Variants in AGBL4 observed in about 807,000 individuals in gnomAD.
AGBL4 encodes cytosolic carboxypeptidase 6.
In AGBL4, 58 loss-of-function variants were observed where a neutral mutation model predicts 66.4. That is an observed-to-expected ratio of 0.87 (90% CI 0.71 to 1.09). The LOEUF (loss-of-function observed/expected upper bound fraction) is 1.09, where lower values mean the gene tolerates loss of function less well. Among genes scored for constraint, AGBL4 ranks in the 50% least tolerant of loss-of-function variants. The probability of loss-of-function intolerance (pLI) is 0.00; values close to 1 mark genes in which losing one functional copy is unlikely to be tolerated. For synonymous variants in AGBL4, 234 were observed against 222.9 expected (o/e 1.05, Z -0.44); for missense variants, 579 against 631.0 (o/e 0.92, Z 0.88).
At chr1:49,184,892 G>A (rs1451268697) in intron 4 of AGBL4, among the ~76,000 whole-genome samples, 1 of 152,168 alleles carries the variant, frequency 6.6e-6, no homozygotes, top group African/African-American at 2.4e-5. Flanking sequence ...ATTGCCATGA[G>A]ATTTAAACAT....
intron 3 of AGBL4, among the ~76,000 whole-genome samples, chr1:49,668,329 C>A (rs1256629511): frequency 6.6e-6 from 1 of 152,012 alleles, no homozygotes; most frequent in Admixed American, 6.6e-5. Flanking sequence ...TTCACACAGG[C>A]TGTTATTTAC....
At chr1:49,746,063 A>T (rs951790549) in intron 2 of AGBL4, among the ~76,000 whole-genome samples, 18 of 151,968 alleles carry the variant, frequency 1.2e-4, no homozygotes, top group African/African-American at 4.1e-4. Context: ...AGAAGCTATT[A>T]ATTTGTTCAT....
intron 2 of AGBL4, among the ~76,000 whole-genome samples, chr1:49,716,647 C>T (rs1648165831): frequency 6.6e-6 from 1 of 151,998 alleles, no homozygotes; most frequent in African/African-American, 2.4e-5. Context: ...AAACATAATC[C>T]ATTACATAAA....
At chr1:48,836,172 G>C (rs1184562390) in intron 6 of AGBL4, among the ~76,000 whole-genome samples, 1 of 151,816 alleles carries the variant, frequency 6.6e-6, no homozygotes, top group Non-Finnish European at 1.5e-5. Context: ...AAGGAGTAGA[G>C]GCAGAGGACA....
At chr1:48,923,215 G>A (rs866712259) in intron 5 of AGBL4, among the ~76,000 whole-genome samples, 1 of 152,100 alleles carries the variant, frequency 6.6e-6, no homozygotes, top group Non-Finnish European at 1.5e-5. Flanking sequence ...AAGAGATTAA[G>A]TGACTATTCT....
chr1:49,572,539 T>C (rs943493647), intron 3 of AGBL4, among the ~76,000 whole-genome samples: 46 of 152,202 alleles, frequency 3.0e-4, no homozygotes, highest in African/African-American at 1.1e-3. Flanking sequence ...AATTTTTTTC[T>C]GCTGTCTATT....
At chr1:49,321,839 G>A (rs895318066) in intron 3 of AGBL4, among the ~76,000 whole-genome samples, 9 of 152,030 alleles carry the variant, frequency 5.9e-5, no homozygotes, top group African/African-American at 1.9e-4. Context: ...TGTGATTATC[G>A]TTGGCCAATA....
intron 4 of AGBL4, among the ~76,000 whole-genome samples, chr1:49,097,843 A>C (rs549206618): frequency 9.2e-5 from 14 of 152,310 alleles, no homozygotes; most frequent in Admixed American, 8.5e-4. Context: ...GGCCTCCCTA[A>C]GTGCTGGGAT....
intron 3 of AGBL4, among the ~76,000 whole-genome samples, chr1:49,677,421 A>G (rs1646602376): frequency 6.6e-6 from 1 of 152,048 alleles, no homozygotes; most frequent in Non-Finnish European, 1.5e-5. Flanking sequence ...TGAATACTGA[A>G]CCAGCTTTGT....
intron 3 of AGBL4, among the ~76,000 whole-genome samples, chr1:49,383,156 T>C (rs553022569): frequency 6.6e-6 from 1 of 152,212 alleles, no homozygotes; most frequent in East Asian, 1.9e-4. Context: ...AGATGAAAAA[T>C]GTCCCATGTT....
chr1:48,998,308 C>T (rs1398316594), intron 5 of AGBL4, among the ~76,000 whole-genome samples: 2 of 152,046 alleles, frequency 1.3e-5, no homozygotes, highest in Non-Finnish European at 2.9e-5. Context: ...TTGAAACATG[C>T]CACAAAAAGA....
intron 1 of AGBL4, among the ~76,000 whole-genome samples, chr1:49,951,814 ATATT>A (rs773577640): frequency 6.6e-6 from 1 of 151,982 alleles, no homozygotes; most frequent in African/African-American, 2.4e-5. Context: ...AACTATAACA[ATATT>A]TATTTATCAA....
At chr1:49,998,407 A>T (rs1424086236) in intron 1 of AGBL4, among the ~76,000 whole-genome samples, 1 of 152,178 alleles carries the variant, frequency 6.6e-6, no homozygotes, top group South Asian at 2.1e-4. Flanking sequence ...AACTCTGAAC[A>T]GACAAGTAAC....
chr1:49,773,297 T>G (rs561382733), intron 2 of AGBL4, among the ~76,000 whole-genome samples: 1 of 152,334 alleles, frequency 6.6e-6, no homozygotes, highest in Non-Finnish European at 1.5e-5. Context: ...AAATATCCTT[T>G]TCTTTAGGAC....
intron 3 of AGBL4, among the ~76,000 whole-genome samples, chr1:49,502,546 G>C (rs1026209411): frequency 6.6e-6 from 1 of 152,060 alleles, no homozygotes. Flanking sequence ...AAACTTCCTA[G>C]AGACTTGGAG....
At chr1:49,981,409 T>C (rs1479642769) in intron 1 of AGBL4, among the ~76,000 whole-genome samples, 4 of 152,184 alleles carry the variant, frequency 2.6e-5, no homozygotes, top group African/African-American at 9.6e-5. Flanking sequence ...AAAGTGTGTA[T>C]GTACCATTTT....
chr1:49,781,847 A>C (rs1644345528), intron 2 of AGBL4, among the ~76,000 whole-genome samples: 1 of 152,192 alleles, frequency 6.6e-6, no homozygotes. Context: ...AATTTTAGGA[A>C]TGTATAAATA....
At chr1:49,314,008 G>A (rs183535831) in intron 3 of AGBL4, among the ~76,000 whole-genome samples, 8 of 152,162 alleles carry the variant, frequency 5.3e-5, no homozygotes, top group East Asian at 1.9e-4. Context: ...TAGGTCTTAC[G>A]TTTAACTCCT....
chr1:49,717,802 C>T (rs1648273963), intron 2 of AGBL4, among the ~76,000 whole-genome samples: 1 of 151,962 alleles, frequency 6.6e-6, no homozygotes, highest in African/African-American at 2.4e-5. Flanking sequence ...CAAATGTATA[C>T]ATAAAAGCTA....
Sources: gnomAD v4.1 joint callset for allele counts (sites outside exome capture counted in the v4.1 genomes callset) on GRCh38, gnomAD v4.1.1 for gene constraint, MANE v1.5 for transcripts, NCBI Gene and HGNC (gene_info 2026-07-23, HGNC 2026-07-21) for gene names.